Variants in CNTN5 observed in about 807,000 individuals in gnomAD.
The protein encoded by CNTN5 is contactin 5, also known as contactin-5.
In CNTN5, 77 loss-of-function variants were observed where a neutral mutation model predicts 129.1. That is an observed-to-expected ratio of 0.60 (90% confidence interval 0.50 to 0.72). The LOEUF (loss-of-function observed/expected upper bound fraction) is 0.72. CNTN5 is among the 30% of genes least tolerant of loss of function. The pLI, the probability that CNTN5 is intolerant of heterozygous loss-of-function variation, is 0.00. For synonymous variants in CNTN5, 509 were observed against 465.6 expected (o/e 1.09, Z -1.20); for missense variants, 1,478 against 1,328.8 (o/e 1.11, Z -1.75).
At chr11:99,106,806 G>T (rs1867019280) in intron 1 of CNTN5, among the ~76,000 whole-genome samples, 1 of 152,040 alleles carries the variant, frequency 6.6e-6, no homozygotes, top group South Asian at 2.1e-4. Flanking sequence ...GTAGCACTGA[G>T]ATTGTAACAT....
At chr11:99,364,125 G>A (rs1448895209) in intron 2 of CNTN5, among the ~76,000 whole-genome samples, 1 of 151,966 alleles carries the variant, frequency 6.6e-6, no homozygotes, top group Non-Finnish European at 1.5e-5. Context: ...TAAAATTTAT[G>A]ACTGATACAA....
intron 1 of CNTN5, among the ~76,000 whole-genome samples, chr11:99,036,079 G>C (rs565655044): frequency 9.9e-5 from 15 of 151,528 alleles, no homozygotes; most frequent in Non-Finnish European, 2.1e-4. Flanking sequence ...TCTTTTCTTT[G>C]AGAATGTTGA....
chr11:99,643,115 T>C (rs1302068786), intron 3 of CNTN5, among the ~76,000 whole-genome samples: 1 of 152,104 alleles, frequency 6.6e-6, no homozygotes, highest in Non-Finnish European at 1.5e-5. Context: ...ATATATAAGG[T>C]TTTAAAAATG....
intron 2 of CNTN5, among the ~76,000 whole-genome samples, chr11:99,531,770 G>T (rs147935964): frequency 5.9e-5 from 9 of 152,190 alleles, no homozygotes; most frequent in African/African-American, 1.7e-4. Context: ...TTGAGCGTTC[G>T]AGTGCACAGA....
At chr11:99,224,657 A>ATTTTTT (rs3082693) in intron 1 of CNTN5, among the ~76,000 whole-genome samples, 19,459 of 108,574 alleles carry the variant, frequency 0.18, 2,616 homozygotes, top group Non-Finnish European at 0.2. Context: ...CCAAGGTTGC[A>ATTTTTT]TTTTTTTTTT....
intron 2 of CNTN5, among the ~76,000 whole-genome samples, chr11:99,498,203 T>C (rs1345151887): frequency 2.0e-5 from 3 of 152,186 alleles, no homozygotes; most frequent in Admixed American, 2.0e-4. Flanking sequence ...TAGTGATCTC[T>C]AAACAGTATT....
Position 100,040,482 on chromosome 11 carries a change from G to T in CNTN5, c.981-20730G>T, listed in dbSNP as rs568597908. Reference sequence around the variant, plus strand: ...CAAGCTGCGTGCTGGGAGAAGCACTGCTCTCTTCAAAGCTGTCAGAGAAGT... The same window carrying T: ...CAAGCTGCGTGCTGGGAGAAGCACTTCTCTCTTCAAAGCTGTCAGAGAAGT... On this transcript the variant is annotated intron_variant, in intron 9 of 24. Coordinates refer to ENST00000524871, the MANE Select transcript of CNTN5 (RefSeq NM_014361.4). Among the ~76,000 whole-genome samples, 4 of 152,324 alleles carry T rather than the reference G, an allele frequency of 2.6e-5. No individual in the cohort carries two copies. In the South Asian group the frequency reaches 8.3e-4, roughly 32 times the overall value.
At chr11:99,269,656 T>C (rs1591448113) in intron 1 of CNTN5, among the ~76,000 whole-genome samples, 1 of 151,532 alleles carries the variant, frequency 6.6e-6, no homozygotes. Flanking sequence ...AAACTTCCAC[T>C]GGACACATTT....
chr11:99,525,905 A>C (rs10790770), intron 2 of CNTN5, among the ~76,000 whole-genome samples: 39,902 of 152,126 alleles, frequency 0.26, 5,628 homozygotes, highest in Non-Finnish European at 0.32. Flanking sequence ...AAAGGCACAA[A>C]ACAAACACTG....
chr11:99,156,605 A>C (rs1860346149), intron 1 of CNTN5, among the ~76,000 whole-genome samples: 1 of 152,002 alleles, frequency 6.6e-6, no homozygotes, highest in South Asian at 2.1e-4. Context: ...AGTATACTGC[A>C]GACTACAAAT....
intron 1 of CNTN5, among the ~76,000 whole-genome samples, chr11:99,137,947 T>C (rs72990229): frequency 0.16 from 24,694 of 152,192 alleles, 2,127 homozygotes; most frequent in Middle Eastern, 0.22. Context: ...AACATTATCT[T>C]TGTTCTGTAA....
chr11:99,382,316 A>G (rs1591602462), intron 2 of CNTN5, among the ~76,000 whole-genome samples: 1 of 152,116 alleles, frequency 6.6e-6, no homozygotes, highest in East Asian at 1.9e-4. Context: ...AATAATTATG[A>G]CCTAGAAGTG....
chr11:99,828,224 T>A (rs978404787), intron 4 of CNTN5, among the ~76,000 whole-genome samples: 2 of 152,328 alleles, frequency 1.3e-5, no homozygotes, highest in South Asian at 4.1e-4. Flanking sequence ...AAAAAAACTT[T>A]ATGAGCCTTT....
At chr11:99,306,361 A>AT (rs147973363) in intron 1 of CNTN5, among the ~76,000 whole-genome samples, 112 of 152,302 alleles carry the variant, frequency 7.4e-4, no homozygotes, top group African/African-American at 2.6e-3. Context: ...ATTCACACAA[A>AT]AAAATGAGAT....
intron 2 of CNTN5, among the ~76,000 whole-genome samples, chr11:99,512,290 C>T (rs545032914): frequency 6.0e-4 from 91 of 152,268 alleles, no homozygotes; most frequent in African/African-American, 1.9e-3. Flanking sequence ...GTGTGCAGCA[C>T]GGTAACATGC....
At chr11:100,017,418 T>C (rs1219336139) in intron 9 of CNTN5, among the ~76,000 whole-genome samples, 1 of 152,054 alleles carries the variant, frequency 6.6e-6, no homozygotes, top group African/African-American at 2.4e-5. Context: ...TGTTGTGTTG[T>C]AGTTTAATTG....
chr11:99,614,065 T>C (rs1192828483), intron 3 of CNTN5, among the ~76,000 whole-genome samples: 1 of 152,246 alleles, frequency 6.6e-6, no homozygotes, highest in African/African-American at 2.4e-5. Context: ...TATATGTGTT[T>C]GAAATATTCA....
At chr11:99,300,705 C>A (rs1436144923) in intron 1 of CNTN5, among the ~76,000 whole-genome samples, 4 of 151,922 alleles carry the variant, frequency 2.6e-5, no homozygotes, top group African/African-American at 7.2e-5. Context: ...TAATCACCAG[C>A]AGATCTGCCC....
chr11:99,227,672 T>C (rs1860764540), intron 1 of CNTN5, among the ~76,000 whole-genome samples: 1 of 152,184 alleles, frequency 6.6e-6, no homozygotes, highest in Admixed American at 6.5e-5. Context: ...AAGAAGGGGC[T>C]TAATATAAAA....
Sources: gnomAD v4.1 joint callset for allele counts (sites outside exome capture counted in the v4.1 genomes callset) on GRCh38, gnomAD v4.1.1 for gene constraint, MANE v1.5 for transcripts, NCBI Gene and HGNC (gene_info 2026-07-23, HGNC 2026-07-21) for gene names.